Variants in SLC22A23 observed in about 807,000 individuals in gnomAD.
The protein encoded by SLC22A23 is solute carrier family 22 member 23.
A neutral mutation model predicts 61.0 loss-of-function variants in SLC22A23; 26 were observed. The ratio of observed to expected loss-of-function variants is 0.43; its 90% CI spans 0.31 to 0.59. The LOEUF is 0.59. SLC22A23 is among the 20% of genes least tolerant of loss of function. The pLI, the probability that SLC22A23 is intolerant of heterozygous loss-of-function variation, is 0.11. For synonymous variants in SLC22A23, 430 were observed against 413.9 expected, an observed-to-expected ratio of 1.04 and a Z score of -0.47; for missense variants, 796 against 934.7, an observed-to-expected ratio of 0.85 and a Z score of 1.94.
intron 3 of SLC22A23, among the ~76,000 whole-genome samples, chr6:3,352,182 G>A (rs1002530584): frequency 5.3e-5 from 8 of 152,144 alleles, no homozygotes; most frequent in Non-Finnish European, 7.3e-5. Flanking sequence ...ATGTGAGAGT[G>A]CCTCTTGTCC....
chr6:3,391,645 C>A (rs1254170993), intron 3 of SLC22A23, among the ~76,000 whole-genome samples: 1 of 152,122 alleles, frequency 6.6e-6, no homozygotes, highest in African/African-American at 2.4e-5. Context: ...CAATAAGGAC[C>A]CTGCTTTCAA....
chr6:3,325,310 G>A (rs1210428032), intron 3 of SLC22A23, among the ~76,000 whole-genome samples: 1 of 152,174 alleles, frequency 6.6e-6, no homozygotes, highest in Admixed American at 6.5e-5. Context: ...GAGTACAGAT[G>A]AATTATGCTT....
intron 3 of SLC22A23, among the ~76,000 whole-genome samples, chr6:3,341,530 C>T (rs1469301018): frequency 1.3e-5 from 2 of 152,284 alleles, no homozygotes; most frequent in East Asian, 3.9e-4. Flanking sequence ...CACAGTATTA[C>T]TCTACTTAGG....
intron 9 of SLC22A23, among the ~76,000 whole-genome samples, chr6:3,274,650 TC>T (rs1758731139): frequency 3.9e-5 from 6 of 152,174 alleles, no homozygotes; most frequent in Admixed American, 3.9e-4. Flanking sequence ...CAAAAGACTG[TC>T]CTACAAGGTC....
chr6:3,385,358 CA>C (rs924503398), intron 3 of SLC22A23, among the ~76,000 whole-genome samples: 1 of 151,638 alleles, frequency 6.6e-6, no homozygotes, highest in African/African-American at 2.4e-5. Flanking sequence ...ACTAAAAATA[CA>C]AAAAAAATTA....
chr6:3,286,984 C>T lies in SLC22A23; in HGVS notation c.1421G>A (p.Ser474Asn), dbSNP rs1760072831. ...GGCCAGGCAGGACACCAGCGCGATG[C>T]TGGCCGTGGTATAGTAGTCAGCATA... ...NFYADYYTTA[S>N]IALVSCLAMC... The change falls in exon 7 of 10, where the codon AGC (serine) becomes AAC (asparagine). Residue 474 changes from serine to asparagine, a missense_variant. Physicochemically the swap from Ser to Asn is conservative, Grantham distance 46. Coordinates refer to ENST00000406686, the MANE Select transcript of SLC22A23 (RefSeq NM_015482.2). This position sits in a 1 kb window ranked among gnomAD's most constrained non-coding sequence, Gnocchi z 4.2. The T allele has an allele frequency of 1.2e-6, 2 of 1,614,052 alleles. No homozygotes were observed. The highest frequency in any genetic ancestry group is 1.3e-5 in the African/African-American group (1 of 74,946).
In SLC22A23 at chr6:3,433,742, A is replaced by G. The variant is rs181947281; in HGVS notation, c.655-17887T>C. On this transcript the variant is annotated intron_variant, in intron 1 of 9. Transcript: ENST00000406686. Reference sequence around the variant, plus strand: ...TCAGCAACAAACAGGAACAACTATCAATGTGCACAGTACCATTCAGGAATC... The same window carrying G: ...TCAGCAACAAACAGGAACAACTATCGATGTGCACAGTACCATTCAGGAATC... 2.0e-5 allele frequency among the ~76,000 whole-genome samples: 3 copies of G among 152,254 alleles called. No individual in the cohort carries two copies. The East Asian group carries it at 5.8e-4, about 29-fold the overall frequency.
At chr6:3,439,375 G>A (rs1210167158) in intron 1 of SLC22A23, 2 of 443,630 alleles carry the variant, frequency 4.5e-6, no homozygotes, top group Non-Finnish European at 9.0e-6. Flanking sequence ...GTTCCCCAGG[G>A]TGACTCTAAG....
In SLC22A23 at chr6:3,271,716, C is replaced by T. The variant is rs555255022; in HGVS notation, c.*1339G>A. 10 of 152,430 alleles carry T rather than the reference C, an allele frequency of 6.6e-5. No homozygotes were observed. The highest frequency in any genetic ancestry group is 1.9e-4 in the East Asian group (1 of 5,312). 9.4% of individuals were successfully genotyped at this position (152,430 alleles called of 1,614,324 possible). ...CTTGCCAAGGAGGCTGTCTCTTAGT[C>T]GCCTTGGGTGTCCTACAAGTTTCCT... On this transcript the variant is annotated 3_prime_UTR_variant, in exon 10 of 10. Coordinates refer to ENST00000406686, the MANE Select transcript of SLC22A23 (RefSeq NM_015482.2).
At chr6:3,383,642 T>C (rs946253203) in intron 3 of SLC22A23, among the ~76,000 whole-genome samples, 3 of 152,182 alleles carry the variant, frequency 2.0e-5, no homozygotes, top group Non-Finnish European at 4.4e-5. Context: ...GCGCCAACCT[T>C]ATCTGAGGAC....
intron 1 of SLC22A23, chr6:3,438,443 C>G (rs1771365828): frequency 2.2e-6 from 1 of 447,914 alleles, no homozygotes; most frequent in African/African-American, 2.0e-5. Context: ...CTGGCGGGAA[C>G]CAGCCTGATC....
chr6:3,362,118 T>A (rs2127449933), intron 3 of SLC22A23, among the ~76,000 whole-genome samples: 1 of 151,926 alleles, frequency 6.6e-6, no homozygotes, highest in African/African-American at 2.4e-5. Context: ...TTAAAAAAAT[T>A]AGCGGCCAGG....
chr6:3,338,225 A>G (rs1413527238), intron 3 of SLC22A23, among the ~76,000 whole-genome samples: 2 of 152,268 alleles, frequency 1.3e-5, no homozygotes, highest in Non-Finnish European at 2.9e-5. Context: ...CTTAGGCTTA[A>G]CCATTTCCTT....
intron 3 of SLC22A23, among the ~76,000 whole-genome samples, chr6:3,344,246 C>G: frequency 6.6e-6 from 1 of 152,158 alleles, no homozygotes; most frequent in Middle Eastern, 3.2e-3. Flanking sequence ...AAACACCTTC[C>G]TAGCATTCTC....
Position 3,387,256 on chromosome 6 carries a change from T to TGACA in SLC22A23, c.913+22928_913+22931dup, listed in dbSNP as rs1474723339. Among the ~76,000 whole-genome samples, 1 of 152,216 alleles carries TGACA rather than the reference T, an allele frequency of 6.6e-6. No homozygotes were observed. Among genetic ancestry groups the TGACA allele is most frequent in the Non-Finnish European group, 1.5e-5 (1 of 68,032 alleles). ...AACTGAGGAAGGTTAGCGTGACCAG[T>TGACA]GACAGCTCACGCTGACGTCAGAGCT... On this transcript the variant is annotated intron_variant, in intron 3 of 9. Transcript: ENST00000406686. The surrounding 1 kb of genome is among the most constrained non-coding windows in gnomAD (Gnocchi z 5.0).
At chr6:3,383,528 C>CGTA (rs1767088363) in intron 3 of SLC22A23, among the ~76,000 whole-genome samples, 1 of 152,154 alleles carries the variant, frequency 6.6e-6, no homozygotes, top group African/African-American at 2.4e-5. Flanking sequence ...GTGTGACGAG[C>CGTA]GCTATGATTC....
intron 3 of SLC22A23, among the ~76,000 whole-genome samples, chr6:3,398,655 G>A (rs955802735): frequency 2.6e-5 from 4 of 151,880 alleles, no homozygotes; most frequent in Non-Finnish European, 5.9e-5. Flanking sequence ...TCGCCCAAGA[G>A]CATCTCACCC....
chr6:3,324,800 T>C lies in SLC22A23; in HGVS notation c.914-798A>G, dbSNP rs932273380. On this transcript the variant is annotated intron_variant, in intron 3 of 9. Transcript: ENST00000406686. This position sits in a 1 kb window ranked among gnomAD's most constrained non-coding sequence, Gnocchi z 4.3. ...TAGCTCCAAAACCAAAAACAGTGTC[T>C]ATTTTCAACAAATGACCACGGCCCC... 1.3e-5 allele frequency among the ~76,000 whole-genome samples: 2 copies of C among 152,222 alleles called. No homozygotes were observed. Among genetic ancestry groups the C allele is most frequent in the Non-Finnish European group, 2.9e-5 (2 of 68,044 alleles).
intron 1 of SLC22A23, among the ~76,000 whole-genome samples, chr6:3,447,762 G>A (rs1405461799): frequency 6.6e-6 from 1 of 151,332 alleles, no homozygotes; most frequent in Non-Finnish European, 1.5e-5. Flanking sequence ...ATAATTATTT[G>A]TATTTTTAGT....
Sources: gnomAD v4.1 joint callset for allele counts (sites outside exome capture counted in the v4.1 genomes callset) on GRCh38, gnomAD v4.1.1 for gene constraint, Gnocchi (gnomAD v3.1) non-coding constraint, MANE v1.5 for transcripts, NCBI Gene and HGNC (gene_info 2026-07-23, HGNC 2026-07-21) for gene names.